The following XRN1 variants were observed in gnomAD, a reference collection of about 807,000 sequenced individuals.
XRN1 encodes strand-exchange protein 1 homolog.
In XRN1, 67 loss-of-function variants were observed where a neutral mutation model predicts 222.3. The ratio of observed to expected loss-of-function variants is 0.30; its 90% CI spans 0.25 to 0.37. The LOEUF is 0.37. Ranked by LOEUF, XRN1 falls within the 10% of genes least tolerant of loss-of-function variation. The pLI is 1.00. For synonymous variants in XRN1, 643 were observed against 652.4 expected (o/e 0.99, Z 0.22); for missense variants, 1,707 against 2,000.2 (o/e 0.85, Z 2.80).
chr3:142,366,423 C>T (rs533580699), intron 27 of XRN1, among the ~76,000 whole-genome samples: 1 of 152,186 alleles, frequency 6.6e-6, no homozygotes, highest in South Asian at 2.1e-4. Context: ...TGTTATGAGG[C>T]ATTTCATTTA....
At chr3:142,411,186 T>C (rs2068563933) in intron 15 of XRN1, among the ~76,000 whole-genome samples, 1 of 152,202 alleles carries the variant, frequency 6.6e-6, no homozygotes, top group Non-Finnish European at 1.5e-5. Flanking sequence ...AGATAGCTCC[T>C]CTTCATTCCC....
chr3:142,408,630 C>A (rs939821517), intron 15 of XRN1, among the ~76,000 whole-genome samples: 1 of 152,136 alleles, frequency 6.6e-6, no homozygotes, highest in African/African-American at 2.4e-5. Flanking sequence ...TGGTATTGGG[C>A]GGTTTCCAGT....
At chr3:142,386,933 T>A (rs2107958123) in intron 20 of XRN1, among the ~76,000 whole-genome samples, 1 of 152,256 alleles carries the variant, frequency 6.6e-6, no homozygotes, top group East Asian at 1.9e-4. Flanking sequence ...TAGTATCTGT[T>A]CAAGCTGAAT....
At chr3:142,331,400 AT>A (rs1366925139) in intron 36 of XRN1, among the ~76,000 whole-genome samples, 1 of 152,106 alleles carries the variant, frequency 6.6e-6, no homozygotes, top group Non-Finnish European at 1.5e-5. Flanking sequence ...TCTATTAATG[AT>A]TTTTAATTGA....
At chr3:142,364,926 A>G (rs2066768786) in intron 29 of XRN1, 121 bp downstream of exon 29, 2 of 1,047,628 alleles carry the variant, frequency 1.9e-6, no homozygotes, top group Non-Finnish European at 2.5e-6. Context: ...ACTAAAACAT[A>G]AAAAGATTGT....
rs1437038155 is a variant in XRN1, at chr3:142,418,718, GA to G, written c.1240+96del. 21 of 1,483,130 alleles carry G rather than the reference GA, an allele frequency of 1.4e-5. No individual in the cohort carries two copies. In the South Asian group the frequency reaches 2.3e-4, roughly 16 times the overall value. The allele number at this position is 1,483,130 out of a possible 1,614,324, so 91.9% of individuals were successfully genotyped here. A position where few individuals can be genotyped will look rare whatever the true frequency, so the allele number is the denominator to read the frequency against. On this transcript the variant is annotated intron_variant, in intron 11 of 40. Coordinates refer to ENST00000392981, the MANE Select transcript of XRN1 (RefSeq NM_001282857.2). Reference sequence around the variant, plus strand: ...AAGTTGATGCTTATATGCTATCACAGAAATCTGTTCCACCCAAAATTAGTAA... The same window carrying G: ...AAGTTGATGCTTATATGCTATCACAGAATCTGTTCCACCCAAAATTAGTAA...
chr3:142,372,487 A>G (rs1416696900), intron 25 of XRN1, among the ~76,000 whole-genome samples: 1 of 152,188 alleles, frequency 6.6e-6, no homozygotes, highest in African/African-American at 2.4e-5. Flanking sequence ...AGCCCCACAA[A>G]GATCTCAAAC....
intron 34 of XRN1, 22 bp downstream of exon 34, chr3:142,335,426 A>G: frequency 6.2e-7 from 1 of 1,612,030 alleles, no homozygotes; most frequent in South Asian, 1.1e-5. Context: ...GTAACTAGAA[A>G]TTTGATTTTA....
chr3:142,319,765 ACTTT>A (rs1209285276), intron 37 of XRN1, among the ~76,000 whole-genome samples: 1 of 152,048 alleles, frequency 6.6e-6, no homozygotes, highest in Non-Finnish European at 1.5e-5. Context: ...GTGATATCTG[ACTTT>A]CTGTTTCTGA....
At chr3:142,420,972 C>T in intron 10 of XRN1, 44 bp downstream of exon 10, 1 of 1,607,516 alleles carries the variant, frequency 6.2e-7, no homozygotes, top group Admixed American at 1.7e-5. Context: ...TAATTTTTGC[C>T]TTTACAGTTA....
At chr3:142,365,486 A>C in intron 27 of XRN1, 120 bp from the exon 28 acceptor site, 1 of 667,958 alleles carries the variant, frequency 1.5e-6, no homozygotes. Context: ...AATTTTTAAA[A>C]TATTTAAAGT....
intron 27 of XRN1, among the ~76,000 whole-genome samples, chr3:142,369,375 G>A (rs571510940): frequency 6.6e-6 from 1 of 152,054 alleles, no homozygotes; most frequent in African/African-American, 2.4e-5. Context: ...GGCCAGGCAC[G>A]GTGGCTCATG....
chr3:142,337,984 C>T (rs757099610), intron 33 of XRN1, among the ~76,000 whole-genome samples: 76 of 152,204 alleles, frequency 5.0e-4, no homozygotes, highest in Non-Finnish European at 9.7e-4. Flanking sequence ...TGAGTACCTG[C>T]AAGCCTTGCC....
At chr3:142,434,200 G>A (rs947551489) in intron 1 of XRN1, among the ~76,000 whole-genome samples, 2 of 152,094 alleles carry the variant, frequency 1.3e-5, no homozygotes, top group African/African-American at 2.4e-5. Context: ...AGGCTGGAGT[G>A]CAGTGGTGCG....
At chr3:142,384,180 G>C (rs144684900) in intron 21 of XRN1, among the ~76,000 whole-genome samples, 3,867 of 151,424 alleles carry the variant, frequency 0.026, 164 homozygotes, top group African/African-American at 0.089. Flanking sequence ...GCTGTGGCAG[G>C]AGAATGGCGT....
intron 2 of XRN1, among the ~76,000 whole-genome samples, chr3:142,431,124 T>C (rs930887803): frequency 3.3e-5 from 5 of 152,254 alleles, no homozygotes; most frequent in African/African-American, 9.6e-5. Flanking sequence ...AACCTCTTAG[T>C]TCACTTTCTA....
intron 31 of XRN1, among the ~76,000 whole-genome samples, chr3:142,356,388 A>T (rs2066465848): frequency 6.6e-6 from 1 of 152,198 alleles, no homozygotes; most frequent in Non-Finnish European, 1.5e-5. Flanking sequence ...GGTTAAAAAA[A>T]CGTACTTAAT....
At chr3:142,319,182 T>C (rs1410183064) in intron 37 of XRN1, among the ~76,000 whole-genome samples, 2 of 152,232 alleles carry the variant, frequency 1.3e-5, no homozygotes, top group Non-Finnish European at 2.9e-5. Flanking sequence ...TGACAAACTA[T>C]GGAGTTCTGC....
chr3:142,436,485 A>G (rs1190260549), intron 1 of XRN1, among the ~76,000 whole-genome samples: 2 of 152,248 alleles, frequency 1.3e-5, no homozygotes, highest in Non-Finnish European at 2.9e-5. Context: ...GTAAATTGGC[A>G]TAACTAATCA....
Sources: allele counts gnomAD v4.1 joint callset (sites outside exome capture counted in the v4.1 genomes callset), GRCh38; gene constraint gnomAD v4.1.1; transcripts MANE v1.5; gene names NCBI Gene and HGNC (gene_info 2026-07-23, HGNC 2026-07-21).